CNTLN: variants seen among roughly 807,000 people sequenced by gnomAD.
The protein encoded by CNTLN is centlein, centrosomal protein.
CNTLN carries 212 observed loss-of-function variants against 180.0 expected under a neutral mutation model. The ratio of observed to expected loss-of-function variants is 1.18; its 90% CI spans 1.05 to 1.32. The LOEUF is 1.32. CNTLN is among the 40% of genes most tolerant of loss of function. The pLI is 0.00. For missense variants in CNTLN, 2,095 were observed against 1,610.9 expected (o/e 1.30, Z -5.14); for synonymous variants, 722 against 563.1 (o/e 1.28, Z -3.99).
At chr9:17,262,205 C>T (rs1827043292) in intron 5 of CNTLN, among the ~76,000 whole-genome samples, 1 of 151,552 alleles carries the variant, frequency 6.6e-6, no homozygotes, top group South Asian at 2.1e-4. Flanking sequence ...CACCATTTGA[C>T]CCAGCAATAC....
intron 25 of CNTLN, among the ~76,000 whole-genome samples, chr9:17,491,490 T>C (rs1195957241): frequency 6.6e-6 from 1 of 152,104 alleles, no homozygotes; most frequent in Non-Finnish European, 1.5e-5. Flanking sequence ...AGTGTGGGTC[T>C]TTACTAAGAT....
chr9:17,163,035 C>T lies in CNTLN; in HGVS notation c.449+19659C>T, dbSNP rs139870836. ...CACAATTCCACATGGCTTGGGAGAC[C>T]TCACAGTCATGGCAGAAGGTGAACG... is the stretch of plus-strand genomic sequence containing the variant. On this transcript the variant is annotated intron_variant, in intron 2 of 25. Transcript: ENST00000380647. 8.9e-4 allele frequency among the ~76,000 whole-genome samples: 136 copies of T among 152,208 alleles called. 1 individual carries two copies. The highest frequency in any genetic ancestry group is 3.1e-3 in the African/African-American group (129 of 41,524).
intron 13 of CNTLN, among the ~76,000 whole-genome samples, chr9:17,371,163 T>G (rs1824285758): frequency 6.6e-6 from 1 of 152,112 alleles, no homozygotes; most frequent in African/African-American, 2.4e-5. Flanking sequence ...CTAAACTCTG[T>G]AATCAAAATA....
At chr9:17,205,762 G>C (rs1204493842) in intron 2 of CNTLN, among the ~76,000 whole-genome samples, 1 of 152,108 alleles carries the variant, frequency 6.6e-6, no homozygotes, top group African/African-American at 2.4e-5. Context: ...AACAATACTG[G>C]GAAGATATCT....
chr9:17,421,005 A>G (rs1828679382), intron 18 of CNTLN, among the ~76,000 whole-genome samples: 1 of 152,162 alleles, frequency 6.6e-6, no homozygotes, highest in African/African-American at 2.4e-5. Flanking sequence ...AGACTCATCC[A>G]TATGCTAAGG....
At position 17,154,516 on chromosome 9, in the gene CNTLN, C is replaced by T. The variant is rs191549881; in HGVS notation, c.449+11140C>T. ...TGCCTGTTCTTTCCTCTGGAAGCTT[C>T]GACCCAGTGGGGCACCTGCCAGATG... On this transcript the variant is annotated intron_variant, in intron 2 of 25. Transcript: ENST00000380647. Among the ~76,000 whole-genome samples the T allele has an allele frequency of 5.4e-3, 826 of 152,324 alleles. 6 individuals are homozygous for T. Among genetic ancestry groups the T allele is most frequent in the Admixed American group, 8.0e-3 (123 of 15,306 alleles).
chr9:17,163,391 A>T (rs1819819016), intron 2 of CNTLN, among the ~76,000 whole-genome samples: 1 of 152,238 alleles, frequency 6.6e-6, no homozygotes, highest in Admixed American at 6.5e-5. Flanking sequence ...AAATAAGAGT[A>T]TAACAAAGTA....
chr9:17,272,870 A>T (rs1042648689), intron 5 of CNTLN, among the ~76,000 whole-genome samples: 1 of 151,934 alleles, frequency 6.6e-6, no homozygotes, highest in Non-Finnish European at 1.5e-5. Context: ...GTAAGTTTTT[A>T]AAAAGGCTTG....
At chr9:17,147,268 C>A (rs1818519508) in intron 2 of CNTLN, among the ~76,000 whole-genome samples, 1 of 152,194 alleles carries the variant, frequency 6.6e-6, no homozygotes, top group Non-Finnish European at 1.5e-5. Context: ...TTGCCCAACA[C>A]TCTGAGTAGG....
rs77464192 is a variant in CNTLN, at chr9:17,349,124, A to G, written c.1886+6680A>G. On this transcript the variant is annotated intron_variant, in intron 12 of 25. Transcript: ENST00000380647. ...GTCACTTCTCTAATGTTGTTCCACT[A>G]CTCCTGAGCTCCCTATTCTATCCTT... Among the ~76,000 whole-genome samples, 1,624 of 151,058 alleles carry G rather than the reference A, an allele frequency of 0.011. 117 individuals are homozygous for G. In the East Asian group the frequency reaches 0.2, roughly 19 times the overall value.
At chr9:17,334,940 A>T (rs530445686) in intron 10 of CNTLN, among the ~76,000 whole-genome samples, 1 of 151,770 alleles carries the variant, frequency 6.6e-6, no homozygotes, top group East Asian at 1.9e-4. Flanking sequence ...AAGATTTTCA[A>T]TTGGCAAGCT....
chr9:17,397,382 A>G (rs1238773989), intron 15 of CNTLN, among the ~76,000 whole-genome samples: 1 of 152,214 alleles, frequency 6.6e-6, no homozygotes, highest in African/African-American at 2.4e-5. Flanking sequence ...TCCTGACTAT[A>G]GGCTAAACAA....
At chr9:17,171,524 A>C (rs1181699813) in intron 2 of CNTLN, among the ~76,000 whole-genome samples, 1 of 152,166 alleles carries the variant, frequency 6.6e-6, no homozygotes, top group African/African-American at 2.4e-5. Context: ...GGGTTCTTTG[A>C]TGGCCAGGGC....
chr9:17,283,211 T>C (rs571286273), intron 6 of CNTLN, among the ~76,000 whole-genome samples: 2 of 152,342 alleles, frequency 1.3e-5, no homozygotes, highest in Admixed American at 1.3e-4. Flanking sequence ...TGATTCTTTC[T>C]ATCCATGAGC....
chr9:17,242,783 A>T (rs1386065142), intron 5 of CNTLN, among the ~76,000 whole-genome samples: 4 of 152,202 alleles, frequency 2.6e-5, no homozygotes, highest in African/African-American at 9.6e-5. Flanking sequence ...ATCAGTGTTC[A>T]TCAGGAATAT....
Position 17,380,039 on chromosome 9 carries a change from A to G in CNTLN, c.1988-8123A>G, listed in dbSNP as rs142538203. 4.3e-3 allele frequency among the ~76,000 whole-genome samples: 657 copies of G among 152,348 alleles called. 3 individuals are homozygous for G. Among genetic ancestry groups the G allele is most frequent in the African/African-American group, 0.014 (591 of 41,590 alleles). ...GTATGAATAGCTGCTCGAAGAGAAC[A>G]AACCAAAATGAAAGTTACAGCCACC... On this transcript the variant is annotated intron_variant, in intron 13 of 25. Transcript: ENST00000380647.
At chr9:17,206,042 A>T (rs192689889) in intron 2 of CNTLN, among the ~76,000 whole-genome samples, 2 of 152,308 alleles carry the variant, frequency 1.3e-5, no homozygotes, top group East Asian at 3.9e-4. Context: ...GAATGAGTTC[A>T]TCAACTGGGT....
At chr9:17,315,823 A>T (rs1180739754) in intron 8 of CNTLN, among the ~76,000 whole-genome samples, 1 of 152,018 alleles carries the variant, frequency 6.6e-6, no homozygotes, top group Non-Finnish European at 1.5e-5. Flanking sequence ...TATAAATGTC[A>T]TTTAGGTCAA....
chr9:17,252,614 C>G (rs1165421280), intron 5 of CNTLN, among the ~76,000 whole-genome samples: 1 of 151,452 alleles, frequency 6.6e-6, no homozygotes, highest in African/African-American at 2.4e-5. Context: ...CTTTGAGTTC[C>G]TTGTCGATTC....
Sources: allele counts gnomAD v4.1 joint callset (sites outside exome capture counted in the v4.1 genomes callset), GRCh38; gene constraint gnomAD v4.1.1; transcripts MANE v1.5; gene names NCBI Gene and HGNC (gene_info 2026-07-23, HGNC 2026-07-21).